PNPLA8: variants seen among roughly 807,000 people sequenced by gnomAD.
PNPLA8 encodes patatin like domain 8, phospholipase A2.
In PNPLA8, 39 loss-of-function variants were observed where a neutral mutation model predicts 76.9. The observed-to-expected ratio is 0.51, with a 90% CI of 0.39 to 0.66. PNPLA8 has a LOEUF of 0.66. PNPLA8 is among the 30% of genes least tolerant of loss of function. The probability of loss-of-function intolerance (pLI) is 0.00; values close to 1 mark genes in which losing one functional copy is unlikely to be tolerated. For missense variants in PNPLA8, 887 were observed against 918.0 expected (o/e 0.97, Z 0.44); for synonymous variants, 301 against 307.9 (o/e 0.98, Z 0.24).
intron 4 of PNPLA8, among the ~76,000 whole-genome samples, chr7:108,512,674 G>A (rs915168150): frequency 6.6e-6 from 1 of 152,118 alleles, no homozygotes; most frequent in Non-Finnish European, 1.5e-5. Flanking sequence ...TCACACTAGA[G>A]TGTACATGCT....
intron 4 of PNPLA8, among the ~76,000 whole-genome samples, chr7:108,509,071 C>T (rs1364928459): frequency 8.7e-6 from 1 of 115,534 alleles, no homozygotes; most frequent in Non-Finnish European, 1.8e-5. Context: ...ACCATAAAAA[C>T]CCTAGAAGAA....
At position 108,504,522 on chromosome 7, in the gene PNPLA8, G is replaced by T. The variant is rs201553256; in HGVS notation, c.1207-1880C>A. On this transcript the variant is annotated intron_variant, in intron 4 of 10. Transcript: ENST00000257694. ...AAAATATGCCATATGTCATGGCTTGGAAACTCAACAAAGACCCAATTCACC... is the reference window on the plus strand; with the variant it reads ...AAAATATGCCATATGTCATGGCTTGTAAACTCAACAAAGACCCAATTCACC... Among the ~76,000 whole-genome samples the T allele has an allele frequency of 2.0e-5, 3 of 152,140 alleles. No homozygotes were observed. In the East Asian group the frequency reaches 5.8e-4, roughly 29 times the overall value.
At chr7:108,520,677 G>A (rs1282401735) in intron 2 of PNPLA8, among the ~76,000 whole-genome samples, 1 of 151,936 alleles carries the variant, frequency 6.6e-6, no homozygotes, top group African/African-American at 2.4e-5. Flanking sequence ...TTGTATGCAT[G>A]TATCAAAATA....
chr7:108,515,711 A>C (rs1007032079), intron 2 of PNPLA8, 137 bp from the exon 3 acceptor site: 14 of 358,306 alleles, frequency 3.9e-5, no homozygotes, highest in Admixed American at 9.3e-5. Context: ...TATAGCTGAT[A>C]GAAAATTCAT....
At chr7:108,480,278 G>A (rs1014889217) in intron 9 of PNPLA8, among the ~76,000 whole-genome samples, 2 of 152,146 alleles carry the variant, frequency 1.3e-5, no homozygotes, top group Non-Finnish European at 2.9e-5. Flanking sequence ...TGAGGTGGGA[G>A]AATTGCTTGA....
chr7:108,496,222 T>C (rs1378139048), intron 7 of PNPLA8, among the ~76,000 whole-genome samples: 1 of 152,090 alleles, frequency 6.6e-6, no homozygotes, highest in South Asian at 2.1e-4. Flanking sequence ...GCAACGGGAG[T>C]GAGAGCGTGT....
Position 108,487,859 on chromosome 7 carries a change from T to C in PNPLA8, c.1778A>G (p.Tyr593Cys). ...YGHFPGINSH[Y>C]LGGCQYKMWQ... ...CATTTTATACTGACAGCCTCCCAAA[T>C]AATGAGAGTTGATTCCAGGAAAATG... The change falls in exon 9 of 11, where the codon TAT (tyrosine) becomes TGT (cysteine). Residue 593 changes from tyrosine to cysteine, a missense_variant. By Grantham distance (194) the Tyr-to-Cys change is radical. Coordinates refer to ENST00000257694, the MANE Select transcript of PNPLA8 (RefSeq NM_001256007.3). The C allele has an allele frequency of 2.5e-6, 4 of 1,613,350 alleles. No homozygotes were observed. Among genetic ancestry groups the C allele is most frequent in the Non-Finnish European group, 3.4e-6 (4 of 1,179,360 alleles).
At chr7:108,474,997 C>T (rs1201806711) in intron 10 of PNPLA8, among the ~76,000 whole-genome samples, 1 of 152,110 alleles carries the variant, frequency 6.6e-6, no homozygotes, top group African/African-American at 2.4e-5. Context: ...CAGCCACTCT[C>T]CATCGCTTGC....
In PNPLA8 at chr7:108,488,798, A is replaced by G. The variant is rs577229988; in HGVS notation, c.1684-845T>C. Among the ~76,000 whole-genome samples, 13 of 152,318 alleles carry G rather than the reference A, an allele frequency of 8.5e-5. No individual in the cohort carries two copies. In the East Asian group the frequency reaches 2.5e-3, roughly 29 times the overall value. On this transcript the variant is annotated intron_variant, in intron 8 of 10. Transcript: ENST00000257694. ...ACCATCTCAGGTCTCAAATTTTATC[A>G]CTGTCAGTTAAATTTACATGAAATG... is the stretch of plus-strand genomic sequence containing the variant.
intron 5 of PNPLA8, among the ~76,000 whole-genome samples, 195 bp from the exon 6 acceptor site, chr7:108,497,772 T>TTA (rs1554682700): frequency 2.0e-5 from 3 of 151,862 alleles, no homozygotes; most frequent in Non-Finnish European, 4.4e-5. Context: ...ATCTAAATGA[T>TTA]AAAAAAACCT....
chr7:108,483,368 G>A (rs560327191), intron 9 of PNPLA8, among the ~76,000 whole-genome samples: 10 of 152,282 alleles, frequency 6.6e-5, no homozygotes, highest in African/African-American at 1.2e-4. Flanking sequence ...AGTTTGCCAC[G>A]TCTTTCTATT....
intron 2 of PNPLA8, among the ~76,000 whole-genome samples, chr7:108,519,162 G>A (rs975205609): frequency 6.6e-6 from 1 of 151,694 alleles, no homozygotes; most frequent in African/African-American, 2.4e-5. Flanking sequence ...TCTAAATAAC[G>A]GTAAACAAAA....
intron 4 of PNPLA8, among the ~76,000 whole-genome samples, chr7:108,505,315 TATATATATATATATATATATATATATATA>T (rs1563967188): frequency 3.0e-4 from 1 of 3,310 alleles, no homozygotes; most frequent in African/African-American, 1.3e-3. Flanking sequence ...TATATATATA[TATATATATATATATATATATATATATATA>T]TATATATATT....
chr7:108,513,196 GC>G (rs1200883269), intron 4 of PNPLA8, among the ~76,000 whole-genome samples: 2 of 152,002 alleles, frequency 1.3e-5, no homozygotes, highest in African/African-American at 4.8e-5. Flanking sequence ...TAAGATCTTT[GC>G]TTTCAGTATA....
intron 7 of PNPLA8, among the ~76,000 whole-genome samples, chr7:108,494,792 G>C (rs1242121484): frequency 6.6e-6 from 1 of 152,024 alleles, no homozygotes; most frequent in Non-Finnish European, 1.5e-5. Flanking sequence ...GAAAAGATTT[G>C]GCTAAATGAA....
intron 8 of PNPLA8, among the ~76,000 whole-genome samples, chr7:108,488,481 G>A: frequency 6.6e-6 from 1 of 152,268 alleles, no homozygotes; most frequent in East Asian, 1.9e-4. Context: ...GGCTGAGGCA[G>A]GAGAATTGCT....
In PNPLA8 at chr7:108,472,595, G is replaced by T. The variant is rs1435555439; in HGVS notation, c.2155C>A (p.Leu719Ile). Residue 719 changes from leucine to isoleucine, a missense_variant, in exon 11 of 11, where the codon CTA becomes ATA. Leu to Ile is a conservative substitution (Grantham distance 5). Transcript: ENST00000257694. ...FNPVMCENIPLDESRNEKLDQ... is the reference protein window; with the variant it reads ...FNPVMCENIPIDESRNEKLDQ... ...AGCTTTTCATTTCGACTTTCATCTA[G>T]AGGTATGTTTTCACACATTACAGGA... The T allele has an allele frequency of 1.9e-6, 3 of 1,612,478 alleles. No homozygotes were observed. Among genetic ancestry groups the T allele is most frequent in the Non-Finnish European group, 2.5e-6 (3 of 1,179,404 alleles).
chr7:108,496,863 G>T, intron 6 of PNPLA8, 108 bp from the exon 7 acceptor site: 1 of 810,908 alleles, frequency 1.2e-6, no homozygotes, highest in Non-Finnish European at 1.9e-6. Flanking sequence ...ATACTTTCTA[G>T]CTATGTCACC....
chr7:108,479,147 G>C (rs1382136196), intron 10 of PNPLA8, 37 bp downstream of exon 10: 4 of 1,450,644 alleles, frequency 2.8e-6, no homozygotes, highest in Admixed American at 3.5e-5. Flanking sequence ...TAGAATGCTA[G>C]AAGTTGAAGT....
Sources: gnomAD v4.1 joint callset for allele counts (sites outside exome capture counted in the v4.1 genomes callset) on GRCh38, gnomAD v4.1.1 for gene constraint, MANE v1.5 for transcripts, NCBI Gene and HGNC (gene_info 2026-07-23, HGNC 2026-07-21) for gene names.